The following EPC2 variants were observed in gnomAD, a reference collection of about 807,000 sequenced individuals.
EPC2 encodes enhancer of polycomb homolog 2.
In EPC2, 14 loss-of-function variants were observed where a neutral mutation model predicts 92.1. That is an observed-to-expected ratio of 0.15 (90% CI 0.10 to 0.24). The LOEUF (loss-of-function observed/expected upper bound fraction) is 0.24, where lower values mean the gene tolerates loss of function less well. Among genes scored for constraint, EPC2 ranks in the 10% least tolerant of loss-of-function variants. The probability of loss-of-function intolerance (pLI) is 1.00; values close to 1 mark genes in which losing one functional copy is unlikely to be tolerated. For synonymous variants in EPC2, 340 were observed against 334.7 expected, an observed-to-expected ratio of 1.02 and a Z score of -0.17; for missense variants, 755 against 971.5, an observed-to-expected ratio of 0.78 and a Z score of 2.96.
chr2:148,658,717 C>T (rs898771081), intron 1 of EPC2, among the ~76,000 whole-genome samples: 3 of 150,882 alleles, frequency 2.0e-5, no homozygotes, highest in African/African-American at 7.3e-5. Flanking sequence ...ACTAGTGGTT[C>T]AACTCACAGT....
chr2:148,686,480 C>G (rs1321973850), intron 1 of EPC2, among the ~76,000 whole-genome samples: 1 of 152,138 alleles, frequency 6.6e-6, no homozygotes, highest in African/African-American at 2.4e-5. Context: ...GCATTTTGAC[C>G]TCTTTCTATG....
At chr2:148,728,936 G>A (rs1170632422) in intron 2 of EPC2, among the ~76,000 whole-genome samples, 2 of 148,056 alleles carry the variant, frequency 1.4e-5, no homozygotes, top group Non-Finnish European at 3.0e-5. Flanking sequence ...GGAGGCTGAG[G>A]CAGGAGAATG....
intron 2 of EPC2, among the ~76,000 whole-genome samples, chr2:148,695,555 A>G (rs1366405899): frequency 6.6e-6 from 1 of 152,238 alleles, no homozygotes; most frequent in Non-Finnish European, 1.5e-5. Context: ...CTGGCCTGAC[A>G]TCCAACTTCA....
At chr2:148,648,225 A>G (rs568547204) in intron 1 of EPC2, among the ~76,000 whole-genome samples, 1 of 152,286 alleles carries the variant, frequency 6.6e-6, no homozygotes, top group Non-Finnish European at 1.5e-5. Flanking sequence ...GTCCAATTGG[A>G]GTATTAGTTT....
At chr2:148,664,986 A>T (rs901283029) in intron 1 of EPC2, among the ~76,000 whole-genome samples, 2 of 152,196 alleles carry the variant, frequency 1.3e-5, no homozygotes, top group Admixed American at 6.5e-5. Context: ...AAAAGGTTTA[A>T]CTTTAAAAAG....
At chr2:148,786,251 G>C (rs1324558042) in intron 13 of EPC2, 54 bp from the exon 14 acceptor site, 20 of 1,363,088 alleles carry the variant, frequency 1.5e-5, no homozygotes, top group Non-Finnish European at 2.0e-5. Flanking sequence ...AAATGGTAAC[G>C]TCATGTTCTA....
At chr2:148,759,725 A>G (rs1683265060) in intron 4 of EPC2, among the ~76,000 whole-genome samples, 2 of 152,224 alleles carry the variant, frequency 1.3e-5, no homozygotes, top group African/African-American at 2.4e-5. Flanking sequence ...ATTCATACAT[A>G]CATATATGTA....
chr2:148,646,661 AATC>A (rs1478947095), intron 1 of EPC2, among the ~76,000 whole-genome samples: 2 of 152,092 alleles, frequency 1.3e-5, no homozygotes, highest in Non-Finnish European at 2.9e-5. Context: ...ATTAAAATAA[AATC>A]ATATTATATA....
chr2:148,767,425 T>C (rs1452444266), intron 7 of EPC2, among the ~76,000 whole-genome samples: 2 of 152,180 alleles, frequency 1.3e-5, no homozygotes, highest in Non-Finnish European at 2.9e-5. Flanking sequence ...ACTTTTAGGT[T>C]CTTCTGATTG....
At chr2:148,737,686 G>GT (rs2105402397) in intron 2 of EPC2, among the ~76,000 whole-genome samples, 1 of 152,252 alleles carries the variant, frequency 6.6e-6, no homozygotes, top group Admixed American at 6.5e-5. Flanking sequence ...GAGGGAAAGA[G>GT]TAACTGTTGA....
intron 2 of EPC2, among the ~76,000 whole-genome samples, chr2:148,739,830 CTTCT>C (rs1558825714): frequency 1.0e-5 from 1 of 96,722 alleles, no homozygotes; most frequent in Non-Finnish European, 1.9e-5. Context: ...TTTTCTTCTT[CTTCT>C]TTTTTTTTTT....
chr2:148,739,833 C>CTTTTTTTTTTTTTTTTTT (rs144868417), intron 2 of EPC2, among the ~76,000 whole-genome samples: 215 of 81,288 alleles, frequency 2.6e-3, no homozygotes, highest in African/African-American at 3.1e-3. Flanking sequence ...TCTTCTTCTT[C>CTTTTTTTTTTTTTTTTTT]TTTTTTTTTT....
chr2:148,781,791 C>G lies in EPC2; in HGVS notation c.1857+11C>G. The G allele has an allele frequency of 6.2e-7, 1 of 1,613,000 alleles. No homozygotes were observed. The highest frequency in any genetic ancestry group is 8.5e-7 in the Non-Finnish European group (1 of 1,179,534). On this transcript the variant is annotated intron_variant, in intron 11 of 13. Coordinates refer to ENST00000258484, the MANE Select transcript of EPC2 (RefSeq NM_015630.4). ...CATCCAAAAGCACAGGTAAACTGCT[C>G]TTTTCGTCATAGTTACGTTTGTTTC...
At chr2:148,661,666 C>T (rs966746895) in intron 1 of EPC2, among the ~76,000 whole-genome samples, 1 of 151,436 alleles carries the variant, frequency 6.6e-6, no homozygotes, top group Non-Finnish European at 1.5e-5. Context: ...AAACAATATA[C>T]ATATTTATAA....
intron 1 of EPC2, among the ~76,000 whole-genome samples, chr2:148,652,183 G>C (rs1347411617): frequency 1.3e-5 from 2 of 152,188 alleles, no homozygotes; most frequent in Non-Finnish European, 2.9e-5. Flanking sequence ...CCTATGTTGA[G>C]AAGTGTTACC....
intron 8 of EPC2, 52 bp downstream of exon 8, chr2:148,769,292 A>T: frequency 7.8e-7 from 1 of 1,283,542 alleles, no homozygotes; most frequent in Non-Finnish European, 1.1e-6. Flanking sequence ...ATTAACAGGT[A>T]ACCCATGTCA....
chr2:148,772,341 T>C (rs2105432576), intron 10 of EPC2, among the ~76,000 whole-genome samples: 1 of 152,314 alleles, frequency 6.6e-6, no homozygotes, highest in Admixed American at 6.5e-5. Context: ...ATGCATTGTA[T>C]CCCAAGACTA....
chr2:148,726,636 A>AT (rs932459841), intron 2 of EPC2, among the ~76,000 whole-genome samples: 4 of 147,480 alleles, frequency 2.7e-5, no homozygotes, highest in African/African-American at 7.5e-5. Flanking sequence ...TACTTAAAGA[A>AT]TTTTTTTTTC....
intron 1 of EPC2, among the ~76,000 whole-genome samples, chr2:148,661,492 A>T (rs1574566356): frequency 6.6e-6 from 1 of 152,296 alleles, no homozygotes; most frequent in African/African-American, 2.4e-5. Context: ...TCCAAATAGT[A>T]TGCTTCTAAT....
Sources: allele counts gnomAD v4.1 joint callset (sites outside exome capture counted in the v4.1 genomes callset), GRCh38; gene constraint gnomAD v4.1.1; transcripts MANE v1.5; gene names NCBI Gene and HGNC (gene_info 2026-07-23, HGNC 2026-07-21).